The following LRIF1 variants were observed in gnomAD, a reference collection of about 807,000 sequenced individuals.
LRIF1 encodes ligand dependent nuclear receptor interacting factor 1.
LRIF1 carries 32 observed loss-of-function variants against 52.7 expected under a neutral mutation model. The ratio of observed to expected loss-of-function variants is 0.61; its 90% CI spans 0.46 to 0.82. LRIF1 has a LOEUF of 0.82. LRIF1 is among the 40% of genes least tolerant of loss of function. The probability of loss-of-function intolerance (pLI) is 0.00; values close to 1 mark genes in which losing one functional copy is unlikely to be tolerated. For missense variants in LRIF1, 887 were observed against 892.0 expected (o/e 0.99, Z 0.07); for synonymous variants, 323 against 317.4 (o/e 1.02, Z -0.19).
At chr1:110,927,417 C>T in the LRIF1 span, among the ~76,000 whole-genome samples, 4 of 152,112 alleles carry the variant, frequency 2.6e-5, no homozygotes, top group African/African-American at 7.2e-5. Context: ...AGCAAGAACA[C>T]GCTGGAACAC....
chr1:110,929,110 G>T, the LRIF1 span, among the ~76,000 whole-genome samples: 1 of 152,134 alleles, frequency 6.6e-6, no homozygotes, highest in East Asian at 1.9e-4. Flanking sequence ...ATTGTTTATG[G>T]CTGCATAGTA....
At chr1:110,962,948 C>T (rs1447719550) in intron 1 of LRIF1, among the ~76,000 whole-genome samples, 1 of 151,752 alleles carries the variant, frequency 6.6e-6, no homozygotes, top group Non-Finnish European at 1.5e-5. Context: ...AGTTACTGAT[C>T]ATCTATTTTC....
the LRIF1 span, among the ~76,000 whole-genome samples, chr1:110,900,769 A>C: frequency 9.2e-5 from 14 of 152,008 alleles, no homozygotes; most frequent in African/African-American, 1.4e-4. Flanking sequence ...AAAAAAACAA[A>C]AAAAAAAGGA....
chr1:110,880,149 A>G, the LRIF1 span: 1 of 152,078 alleles, frequency 6.6e-6, no homozygotes, highest in Non-Finnish European at 1.5e-5. Flanking sequence ...TAGAACCATG[A>G]GTCATGCATC....
At chr1:110,908,363 C>T in the LRIF1 span, among the ~76,000 whole-genome samples, 1 of 152,166 alleles carries the variant, frequency 6.6e-6, no homozygotes, top group African/African-American at 2.4e-5. Flanking sequence ...CTTCATACCT[C>T]CAAATGATCA....
chr1:110,890,880 G>T, the LRIF1 span, among the ~76,000 whole-genome samples: 2 of 152,204 alleles, frequency 1.3e-5, no homozygotes, highest in Admixed American at 6.5e-5. Flanking sequence ...TGCAATAAAA[G>T]AATAAATGAG....
intron 1 of LRIF1, among the ~76,000 whole-genome samples, chr1:110,957,841 A>T (rs966529342): frequency 3.3e-5 from 5 of 152,186 alleles, no homozygotes; most frequent in Admixed American, 3.3e-4. Flanking sequence ...CAAAAGGCAA[A>T]CATTTAATAA....
At chr1:110,933,323 T>C in the LRIF1 span, among the ~76,000 whole-genome samples, 2 of 151,462 alleles carry the variant, frequency 1.3e-5, no homozygotes, top group Non-Finnish European at 2.9e-5. Flanking sequence ...CCCCACAAGG[T>C]CACTAATTTA....
the LRIF1 span, among the ~76,000 whole-genome samples, chr1:110,923,063 G>A: frequency 3.3e-5 from 5 of 152,172 alleles, no homozygotes; most frequent in Non-Finnish European, 7.3e-5. Context: ...CCAGCACTTT[G>A]GGAGGCTGAG....
chr1:110,892,453 A>T, the LRIF1 span: 5 of 1,614,098 alleles, frequency 3.1e-6, no homozygotes, highest in Non-Finnish European at 3.4e-6. Flanking sequence ...TGTGTTTGTC[A>T]TCGTGGGCTC....
Position 110,963,669 on chromosome 1 carries a change from C to G in LRIF1, c.20G>C (p.Arg7Thr). The change falls in exon 1 of 4, where the codon AGG (arginine) becomes ACG (threonine). Residue 7 changes from arginine (R) to threonine (T), a missense_variant. Physicochemically the swap from Arg to Thr is moderately conservative, Grantham distance 71. Coordinates refer to ENST00000369763, the MANE Select transcript of LRIF1 (RefSeq NM_018372.4). ...TTCCTCTGCGGGTTTCAGGAAGACC[C>G]TCCGTAGGTTATTTGACATTTTAGT... Reference protein sequence around the residue: MSNNLRRVFLKPAEENS... With the variant: MSNNLRTVFLKPAEENS... 1 of 1,608,880 alleles carries G rather than the reference C, an allele frequency of 6.2e-7. No homozygotes were observed. Among genetic ancestry groups the G allele is most frequent in the Non-Finnish European group, 8.5e-7 (1 of 1,175,988 alleles).
At chr1:110,900,829 C>A in the LRIF1 span, among the ~76,000 whole-genome samples, 1 of 151,132 alleles carries the variant, frequency 6.6e-6, no homozygotes, top group Non-Finnish European at 1.5e-5. Context: ...CACTGGAGGT[C>A]ATCTAAGAGG....
At chr1:110,881,541 A>G in the LRIF1 span, among the ~76,000 whole-genome samples, 2 of 152,200 alleles carry the variant, frequency 1.3e-5, no homozygotes, top group Non-Finnish European at 2.9e-5. Flanking sequence ...TTGGGCTATT[A>G]CAAATAATAC....
At chr1:110,931,741 A>G in the LRIF1 span, among the ~76,000 whole-genome samples, 2 of 152,150 alleles carry the variant, frequency 1.3e-5, no homozygotes, top group Non-Finnish European at 2.9e-5. Flanking sequence ...ACCAATGATG[A>G]TGAGCATTTT....
rs1221319557 is a variant in LRIF1 at position 110,952,036 on chromosome 1, T to C, written c.848A>G (p.His283Arg). The C allele has an allele frequency of 6.2e-7, 1 of 1,614,230 alleles. No individual in the cohort carries two copies. Among genetic ancestry groups the C allele is most frequent in the South Asian group, 1.1e-5 (1 of 91,090 alleles). The change falls in exon 2 of 4, where the codon CAT (histidine) becomes CGT (arginine). Residue 283 changes from histidine to arginine, a missense_variant. Transcript: ENST00000369763. ...ATETQLKGGQ[H>R]SQAAPVKWIF... ...CCATTTCACTGGAGCAGCTTGAGAA[T>C]GCTGACCACCTTTCAATTGTGTCTC... is the stretch of plus-strand genomic sequence containing the variant.
chr1:110,954,057 C>G (rs1338650264), intron 1 of LRIF1, among the ~76,000 whole-genome samples: 1 of 151,926 alleles, frequency 6.6e-6, no homozygotes, highest in East Asian at 1.9e-4. Context: ...CAAATAAATA[C>G]AAAAGTTCAA....
At chr1:110,891,590 C>A in the LRIF1 span, 2 of 745,226 alleles carry the variant, frequency 2.7e-6, no homozygotes, top group Non-Finnish European at 4.8e-6. Context: ...TCATGTCCAG[C>A]ACAACCATCC....
At chr1:110,923,068 G>T in the LRIF1 span, among the ~76,000 whole-genome samples, 1 of 152,286 alleles carries the variant, frequency 6.6e-6, no homozygotes, top group Non-Finnish European at 1.5e-5. Context: ...ACTTTGGGAG[G>T]CTGAGGCGGG....
the LRIF1 span, among the ~76,000 whole-genome samples, chr1:110,919,793 A>T: frequency 6.6e-6 from 1 of 152,250 alleles, no homozygotes; most frequent in Admixed American, 6.5e-5. Flanking sequence ...AAATATTTGC[A>T]GGCACATCTG....
Sources: allele counts gnomAD v4.1 joint callset (sites outside exome capture counted in the v4.1 genomes callset), GRCh38; gene constraint gnomAD v4.1.1; transcripts MANE v1.5; gene names NCBI Gene and HGNC (gene_info 2026-07-23, HGNC 2026-07-21).